Variants in ACAA2 observed in about 807,000 individuals in gnomAD.
ACAA2 encodes the protein 3-ketoacyl-CoA thiolase, mitochondrial.
A neutral mutation model predicts 44.8 loss-of-function variants in ACAA2; 35 were observed. The ratio of observed to expected loss-of-function variants is 0.78; its 90% confidence interval spans 0.60 to 1.04. The LOEUF is 1.04. Among genes scored for constraint, ACAA2 ranks in the 50% least tolerant of loss-of-function variants. The probability of loss-of-function intolerance (pLI) is 0.00; values close to 1 mark genes in which losing one functional copy is unlikely to be tolerated. For missense variants in ACAA2, 468 were observed against 482.6 expected, an observed-to-expected ratio of 0.97 and a Z score of 0.28; for synonymous variants, 142 against 166.5, an observed-to-expected ratio of 0.85 and a Z score of 1.13.
chr18:49,788,123 C>T lies in ACAA2; in HGVS notation c.884-762G>A, dbSNP rs149870068. ...AGACTTCTGAAATAAACTTTAGCTCCCAGATTTCTGATGATGTAATGAGAG... is the reference window on the plus strand; with the variant it reads ...AGACTTCTGAAATAAACTTTAGCTCTCAGATTTCTGATGATGTAATGAGAG... On this transcript the variant is annotated intron_variant, in intron 7 of 9. Coordinates refer to ENST00000285093, the MANE Select transcript of ACAA2 (RefSeq NM_006111.3). Among the ~76,000 whole-genome samples the T allele has an allele frequency of 4.6e-5, 7 of 152,238 alleles. No homozygotes were observed. In the East Asian group the frequency reaches 1.4e-3, roughly 29 times the overall value.
rs1164765892 is a variant in ACAA2 at position 49,791,487 on chromosome 18, G to C, written c.866C>G (p.Pro289Arg). The change falls in exon 7 of 10, where the codon CCC becomes CGC. Residue 289 changes from proline (P) to arginine (R), a missense_variant. Transcript: ENST00000285093. ...IVGYFVSGCD[P>R]SIMGIGPVPA... is the part of the protein sequence containing the mutation. Reference sequence around the variant, plus strand: ...AAACTTACCAATACCCATGATAGAGGGATCACATCCAGATACAAAGTAGCC... The same window carrying C: ...AAACTTACCAATACCCATGATAGAGCGATCACATCCAGATACAAAGTAGCC... 1.2e-6 allele frequency: 2 copies of C among 1,611,672 alleles called. No individual in the cohort carries two copies. Among genetic ancestry groups the C allele is most frequent in the Non-Finnish European group, 8.5e-7 (1 of 1,179,604 alleles).
At chr18:49,792,064 G>A (rs565601225) in intron 6 of ACAA2, 88 bp downstream of exon 6, 10 of 1,053,380 alleles carry the variant, frequency 9.5e-6, no homozygotes, top group Admixed American at 4.9e-5. Context: ...CTAAAGACTG[G>A]CATAAAAAGT....
In ACAA2 at chr18:49,787,271, A is replaced by AAAC. The variant is rs1568584609; in HGVS notation, c.954+19_954+20insGTT. ...TTTATTCATGTTGTTAAAAAAAAAA[A>AAAC]AAAAAAAAAAAACACTTACCTCTAC... On this transcript the variant is annotated intron_variant, in intron 8 of 9. Transcript: ENST00000285093. 596 of 1,330,824 alleles carry AAAC rather than the reference A, an allele frequency of 4.5e-4. No homozygotes were observed. The highest frequency in any genetic ancestry group is 8.4e-4 in the South Asian group (54 of 64,268). 82.4% of individuals were successfully genotyped at this position (1,330,824 alleles called of 1,614,324 possible).
rs912999584 is a variant in ACAA2 at position 49,794,672 on chromosome 18, C to T, written c.430-245G>A. Among the ~76,000 whole-genome samples the T allele has an allele frequency of 5.3e-5, 8 of 152,092 alleles. No homozygotes were observed. The East Asian group carries it at 1.5e-3, about 29-fold the overall frequency. On this transcript the variant is annotated intron_variant, in intron 4 of 9. Transcript: ENST00000285093. Reference sequence around the variant, plus strand: ...CTCTCTAAATGTGGGGGTCTAAGAACAGCTAACAGGACTAGACGTGCATGG... The same window carrying T: ...CTCTCTAAATGTGGGGGTCTAAGAATAGCTAACAGGACTAGACGTGCATGG...
At chr18:49,786,942 T>C (rs2023337354) in intron 8 of ACAA2, among the ~76,000 whole-genome samples, 1 of 152,178 alleles carries the variant, frequency 6.6e-6, no homozygotes, top group African/African-American at 2.4e-5. Flanking sequence ...TTCTATTATG[T>C]CAATTATTTT....
chr18:49,802,961 G>A, intron 1 of ACAA2, 108 bp from the exon 2 acceptor site: 1 of 1,328,476 alleles, frequency 7.5e-7, no homozygotes, highest in East Asian at 2.3e-5. Context: ...TTAGATAATG[G>A]AAATTTCTGT....
chr18:49,810,522 G>A (rs1017994630), intron 1 of ACAA2, among the ~76,000 whole-genome samples: 1 of 151,984 alleles, frequency 6.6e-6, no homozygotes, highest in Non-Finnish European at 1.5e-5. Flanking sequence ...AGGAAAGGGT[G>A]TGCATGGGAA....
chr18:49,809,028 C>G (rs1424257760), intron 1 of ACAA2, among the ~76,000 whole-genome samples: 3 of 152,072 alleles, frequency 2.0e-5, no homozygotes, highest in African/African-American at 4.8e-5. Flanking sequence ...AGACCTCCCC[C>G]CAGGAATACA....
chr18:49,810,287 T>A (rs189462537), intron 1 of ACAA2, among the ~76,000 whole-genome samples: 2 of 152,086 alleles, frequency 1.3e-5, no homozygotes, highest in African/African-American at 4.8e-5. Context: ...GGCACATCAT[T>A]GTCAAACTTT....
In ACAA2 at chr18:49,791,598, C is replaced by T. The variant is rs140434637; in HGVS notation, c.755G>A (p.Gly252Asp). The T allele has an allele frequency of 7.4e-6, 12 of 1,611,976 alleles. No homozygotes were observed. The highest frequency in any genetic ancestry group is 6.8e-6 in the Non-Finnish European group (8 of 1,179,236). The change falls in exon 7 of 10, where the codon GGT becomes GAT. Residue 252 changes from glycine to aspartate, a missense_variant and splice_region_variant. Coordinates refer to ENST00000285093, the MANE Select transcript of ACAA2 (RefSeq NM_006111.3). Reference sequence around the variant, plus strand: ...AACAGCTCCAGCACCATCAGCTACACCCTTGAAAATAAAAATACTAGATTA... The same window carrying T: ...AACAGCTCCAGCACCATCAGCTACATCCTTGAAAATAAAAATACTAGATTA... ...DGTVTAGNAS[G>D]VADGAGAVII...
At position 49,787,282 on chromosome 18, in the gene ACAA2, A is replaced by G. The variant is rs1219360899; in HGVS notation, c.954+9T>C. ...TGTTAAAAAAAAAAAAAAAAAAAAA[A>G]ACACTTACCTCTACCAAATCCATGT... is the stretch of plus-strand genomic sequence containing the variant. On this transcript the variant is annotated intron_variant, in intron 8 of 9. Coordinates refer to ENST00000285093, the MANE Select transcript of ACAA2 (RefSeq NM_006111.3). 2.1e-6 allele frequency: 3 copies of G among 1,462,464 alleles called. No homozygotes were observed. The highest frequency in any genetic ancestry group is 2.9e-5 in the South Asian group (2 of 68,440). The allele number at this position is 1,462,464 out of a possible 1,614,324, so 90.6% of individuals were successfully genotyped here.
intron 8 of ACAA2, 149 bp downstream of exon 8, chr18:49,787,142 G>C (rs1405551988): frequency 3.8e-6 from 2 of 524,822 alleles, no homozygotes; most frequent in Non-Finnish European, 6.2e-6. Context: ...ATCTAATGAA[G>C]GTACTATTTA....
intron 1 of ACAA2, among the ~76,000 whole-genome samples, chr18:49,808,667 A>T (rs1055234873): frequency 6.6e-6 from 1 of 152,226 alleles, no homozygotes; most frequent in Non-Finnish European, 1.5e-5. Context: ...ACGAACAGGG[A>T]GTAGGTCACA....
At position 49,813,503 on chromosome 18, in the gene ACAA2, G is replaced by C; in HGVS notation, c.-19C>G. 1 of 1,240,158 alleles carries C rather than the reference G, an allele frequency of 8.1e-7. No homozygotes were observed. Among genetic ancestry groups the C allele is most frequent in the Non-Finnish European group, 1.0e-6 (1 of 988,054 alleles). 76.8% of individuals were successfully genotyped at this position (1,240,158 alleles called of 1,614,324 possible). A position where few individuals can be genotyped will look rare whatever the true frequency, so the allele number is the denominator to read the frequency against. On this transcript the variant is annotated 5_prime_UTR_variant, in exon 1 of 10. Coordinates refer to ENST00000285093, the MANE Select transcript of ACAA2 (RefSeq NM_006111.3). ...GAGCCATGGCGGCTGCTGGGTCGTC[G>C]GCGGCGCGGGTCTGTGGTGTGGGGG...
intron 2 of ACAA2, 71 bp from the exon 3 acceptor site, chr18:49,797,665 A>C: frequency 1.5e-6 from 2 of 1,315,098 alleles, no homozygotes; most frequent in Non-Finnish European, 1.0e-6. Flanking sequence ...CACGAAATAC[A>C]TGGAAATGTT....
At chr18:49,805,368 T>C (rs2023599464) in intron 1 of ACAA2, among the ~76,000 whole-genome samples, 1 of 152,178 alleles carries the variant, frequency 6.6e-6, no homozygotes, top group Admixed American at 6.5e-5. Context: ...TATATATAAC[T>C]ATAATTTAGA....
At chr18:49,805,661 C>T (rs748848433) in intron 1 of ACAA2, among the ~76,000 whole-genome samples, 2 of 151,994 alleles carry the variant, frequency 1.3e-5, no homozygotes, top group Admixed American at 6.6e-5. Flanking sequence ...TCTGCAGCCT[C>T]GACTTTCCCA....
chr18:49,803,239 A>AAATAGTAAT (rs1555790915), intron 1 of ACAA2, among the ~76,000 whole-genome samples: 2 of 142,402 alleles, frequency 1.4e-5, no homozygotes, highest in African/African-American at 5.1e-5. Flanking sequence ...CTGGTAGTTA[A>AAATAGTAAT]AATAATAATA....
At chr18:49,797,306 CTG>C (rs1225980529) in intron 3 of ACAA2, among the ~76,000 whole-genome samples, 158 bp downstream of exon 3, 1 of 148,110 alleles carries the variant, frequency 6.8e-6, no homozygotes, top group Non-Finnish European at 1.5e-5. Context: ...AGGTCTCACT[CTG>C]TTGCCCATGG....
Sources: gnomAD v4.1 joint callset for allele counts (sites outside exome capture counted in the v4.1 genomes callset) on GRCh38, gnomAD v4.1.1 for gene constraint, MANE v1.5 for transcripts, NCBI Gene and HGNC (gene_info 2026-07-23, HGNC 2026-07-21) for gene names.